RREB1: variants seen among roughly 807,000 people sequenced by gnomAD.
RREB1 encodes ras responsive element binding protein 1, also known as ras-responsive element-binding protein 1.
RREB1 carries 27 observed loss-of-function variants against 117.8 expected under a neutral mutation model. The ratio of observed to expected loss-of-function variants is 0.23; its 90% CI spans 0.17 to 0.32. The LOEUF (loss-of-function observed/expected upper bound fraction) is 0.32, where lower values mean the gene tolerates loss of function less well. Among genes scored for constraint, RREB1 ranks in the 10% least tolerant of loss-of-function variants. RREB1 has a pLI of 1.00. For missense variants in RREB1, 2,577 were observed against 2,378.2 expected (o/e 1.08, Z -1.74); for synonymous variants, 1,298 against 1,026.7 (o/e 1.26, Z -5.05).
chr6:7,235,729 C>T (rs1036621091), intron 10 of RREB1, among the ~76,000 whole-genome samples: 1 of 152,170 alleles, frequency 6.6e-6, no homozygotes, highest in East Asian at 1.9e-4. Flanking sequence ...CTCCTCCTAC[C>T]CCCTCAGCAG....
chr6:7,163,960 C>G (rs947538413), intron 1 of RREB1, among the ~76,000 whole-genome samples: 6 of 152,130 alleles, frequency 3.9e-5, no homozygotes, highest in Non-Finnish European at 8.8e-5. Flanking sequence ...TGCCGTTTGG[C>G]CGGTGGGGTT....
Position 7,182,076 on chromosome 6 carries a change from G to A in RREB1, c.165G>A (p.Arg55=), listed in dbSNP as rs754541030. The change falls in exon 4 of 13, where the codon AGG becomes AGA. Residue 55 remains arginine (R), a synonymous_variant. Transcript: ENST00000379938. ...CAGGACCAAATCGGATTGGCAGAAG[G>A]AACCAGGTAAGTGTTCACACCTAGT... ...KPPGPNRIGR[R]NQETKEEKSS... 6.2e-7 allele frequency: 1 copy of A among 1,614,108 alleles called. No individual in the cohort carries two copies. The highest frequency in any genetic ancestry group is 8.5e-7 in the Non-Finnish European group (1 of 1,179,988).
At position 7,150,776 on chromosome 6, in the gene RREB1, G is replaced by A. The variant is rs117127550; in HGVS notation, c.-284-25879G>A. Among the ~76,000 whole-genome samples the A allele has an allele frequency of 1.4e-3, 206 of 152,356 alleles. 3 individuals carry two copies. In the East Asian group the frequency reaches 0.03, roughly 22 times the overall value. On this transcript the variant is annotated intron_variant, in intron 1 of 12. Coordinates refer to ENST00000379938, the MANE Select transcript of RREB1 (RefSeq NM_001003699.4). ...GCTTGCAGGAGAGATGTGGCCGAGG[G>A]TGGAAGAGCTTGTCTTCGGTGCCTT...
chr6:7,176,024 C>T (rs1764481784), intron 1 of RREB1, among the ~76,000 whole-genome samples: 1 of 152,140 alleles, frequency 6.6e-6, no homozygotes, highest in African/African-American at 2.4e-5. Flanking sequence ...CTTAAGCCAT[C>T]CTCCCACCTC....
intron 1 of RREB1, among the ~76,000 whole-genome samples, chr6:7,163,901 T>C (rs928732697): frequency 1.3e-5 from 2 of 152,254 alleles, no homozygotes; most frequent in African/African-American, 4.8e-5. Context: ...CTGTACAGGT[T>C]GTTCCTGACT....
intron 6 of RREB1, among the ~76,000 whole-genome samples, chr6:7,192,934 G>A (rs1469686369): frequency 2.6e-5 from 4 of 152,008 alleles, no homozygotes; most frequent in South Asian, 2.1e-4. Flanking sequence ...ATCCATTTTC[G>A]TATAAGCATT....
In RREB1 at chr6:7,186,810, C is replaced by T. The variant is rs932843829; in HGVS notation, c.172-624C>T. 5.3e-5 allele frequency among the ~76,000 whole-genome samples: 8 copies of T among 152,164 alleles called. No homozygotes were observed. In the East Asian group the frequency reaches 5.8e-4, roughly 11 times the overall value. On this transcript the variant is annotated intron_variant, in intron 4 of 12. Coordinates refer to ENST00000379938, the MANE Select transcript of RREB1 (RefSeq NM_001003699.4). Reference sequence around the variant, plus strand: ...GAAGTCTTCAGTTTGGGTTGGCATTCCTATCAAAGTTGTCGTGATAAGGAC... The same window carrying T: ...GAAGTCTTCAGTTTGGGTTGGCATTTCTATCAAAGTTGTCGTGATAAGGAC...
intron 1 of RREB1, among the ~76,000 whole-genome samples, chr6:7,167,196 C>T (rs570106934): frequency 2.0e-5 from 3 of 152,302 alleles, no homozygotes; most frequent in African/African-American, 7.2e-5. Context: ...GGATTGGTTT[C>T]AGCAGCAACT....
chr6:7,247,015 T>C lies in RREB1; in HGVS notation c.4565T>C (p.Leu1522Pro), dbSNP rs2256596. Residue 1522 changes from leucine to proline, a missense_variant, in exon 12 of 13, where the codon CTC becomes CCC. By Grantham distance (98) the Leu-to-Pro change is moderately conservative. Coordinates refer to ENST00000379938, the MANE Select transcript of RREB1 (RefSeq NM_001003699.4). ...PGAGEAPAEKLAEETEGPSDG... is the reference protein window; with the variant it reads ...PGAGEAPAEKPAEETEGPSDG... Reference sequence around the variant, plus strand: ...GCCGGGGAGGCCCCGGCGGAAAAGCTCGCGGAGGAGACGGAGGGCCCCTCC... The same window carrying C: ...GCCGGGGAGGCCCCGGCGGAAAAGCCCGCGGAGGAGACGGAGGGCCCCTCC... 1,086,361 of 1,608,302 alleles carry C rather than the reference T, an allele frequency of 0.68. 370,309 individuals are homozygous for C. The highest frequency in any genetic ancestry group is 0.91 in the African/African-American group (68,165 of 74,768).
At chr6:7,177,185 C>A (rs1764538206) in intron 2 of RREB1, among the ~76,000 whole-genome samples, 1 of 125,994 alleles carries the variant, frequency 7.9e-6, no homozygotes, top group South Asian at 2.5e-4. Flanking sequence ...TGCCACTGCA[C>A]TACAGTGTGG....
In RREB1 at chr6:7,230,365, C is replaced by T. The variant is rs1767855119; in HGVS notation, c.2266C>T (p.Arg756Trp). Residue 756 changes from arginine (R) to tryptophan (W), a missense_variant, in exon 10 of 13, where the codon CGG becomes TGG. By Grantham distance (101) the Arg-to-Trp change is moderately radical. Transcript: ENST00000379938. ...CTTCTGCGCCCCGGACACCGTGTGC[C>T]GGCTGTGCGGCGAGGACCTCAAGCA... is the stretch of plus-strand genomic sequence containing the variant. ...DAFCAPDTVC[R>W]LCGEDLKHYR... The T allele has an allele frequency of 2.5e-6, 4 of 1,591,730 alleles. No homozygotes were observed. The highest frequency in any genetic ancestry group is 1.7e-5 in the Admixed American group (1 of 59,602).
chr6:7,157,037 C>G (rs1029716800), intron 1 of RREB1, among the ~76,000 whole-genome samples: 4 of 152,342 alleles, frequency 2.6e-5, no homozygotes, highest in South Asian at 4.1e-4. Context: ...CCCCAGCTCC[C>G]TGGGGTCCTT....
At position 7,229,940 on chromosome 6, in the gene RREB1, T is replaced by G. The variant is rs1378928752; in HGVS notation, c.1841T>G (p.Ile614Ser). ...ALLPLSMEAKIKQEITEGELK... is the reference protein window; with the variant it reads ...ALLPLSMEAKSKQEITEGELK... ...CTGCCGCTGAGCATGGAGGCCAAGATCAAGCAGGAGATCACAGAGGGGGAA... is the reference window on the plus strand; with the variant it reads ...CTGCCGCTGAGCATGGAGGCCAAGAGCAAGCAGGAGATCACAGAGGGGGAA... Residue 614 changes from isoleucine to serine, a missense_variant, in exon 10 of 13, where the codon ATC becomes AGC. Transcript: ENST00000379938. The surrounding 1 kb of genome is among the most constrained non-coding windows in gnomAD (Gnocchi z 4.5). 6.2e-7 allele frequency: 1 copy of G among 1,600,954 alleles called. No individual in the cohort carries two copies. Among genetic ancestry groups the G allele is most frequent in the Non-Finnish European group, 8.5e-7 (1 of 1,170,742 alleles).
At chr6:7,111,515 G>A (rs942268867) in intron 1 of RREB1, among the ~76,000 whole-genome samples, 9 of 152,176 alleles carry the variant, frequency 5.9e-5, no homozygotes, top group African/African-American at 1.9e-4. Context: ...TAGGATAAGG[G>A]TTGCTAAGCA....
Position 7,231,017 on chromosome 6 carries a change from C to T in RREB1, c.2918C>T (p.Pro973Leu), listed in dbSNP as rs755034757. The T allele has an allele frequency of 8.1e-6, 13 of 1,614,006 alleles. No individual in the cohort carries two copies. The highest frequency in any genetic ancestry group is 1.6e-4 in the Middle Eastern group (1 of 6,084). Residue 973 changes from proline to leucine, a missense_variant, in exon 10 of 13, where the codon CCA becomes CTA. Physicochemically the swap from Pro to Leu is moderately conservative, Grantham distance 98 (BLOSUM62 -3). Coordinates refer to ENST00000379938, the MANE Select transcript of RREB1 (RefSeq NM_001003699.4). ...AGCAGCGAGCAGCCCTCTCCCTGCCCAGCACCCGGCCCTTCTCTTCCTGTA... is the reference window on the plus strand; with the variant it reads ...AGCAGCGAGCAGCCCTCTCCCTGCCTAGCACCCGGCCCTTCTCTTCCTGTA... ...AGSSEQPSPCPAPGPSLPVTL... is the reference protein window; with the variant it reads ...AGSSEQPSPCLAPGPSLPVTL...
chr6:7,157,828 C>G (rs1321352325), intron 1 of RREB1, among the ~76,000 whole-genome samples: 1 of 152,032 alleles, frequency 6.6e-6, no homozygotes, highest in African/African-American at 2.4e-5. Context: ...CCTCTTTGCT[C>G]TTTCATCCCT....
intron 1 of RREB1, among the ~76,000 whole-genome samples, chr6:7,174,851 C>T (rs1405720808): frequency 2.6e-5 from 4 of 152,160 alleles, no homozygotes; most frequent in African/African-American, 7.2e-5. Flanking sequence ...TCAGGTGATC[C>T]ACCTGCCTCA....
At chr6:7,130,372 G>A (rs913603541) in intron 1 of RREB1, among the ~76,000 whole-genome samples, 2 of 152,084 alleles carry the variant, frequency 1.3e-5, no homozygotes, top group Admixed American at 6.5e-5. Flanking sequence ...CATAATCCAC[G>A]CGCTCTGGAC....
chr6:7,188,589 G>T (rs1472529719), intron 5 of RREB1, among the ~76,000 whole-genome samples: 1 of 152,062 alleles, frequency 6.6e-6, no homozygotes, highest in Non-Finnish European at 1.5e-5. Flanking sequence ...ATATTGATGA[G>T]TGTAGAACAG....
Sources: allele counts gnomAD v4.1 joint callset (sites outside exome capture counted in the v4.1 genomes callset), GRCh38; gene constraint gnomAD v4.1.1; non-coding constraint Gnocchi (gnomAD v3.1); transcripts MANE v1.5; gene names NCBI Gene and HGNC (gene_info 2026-07-23, HGNC 2026-07-21).